Variants in AGBL3 observed in about 807,000 individuals in gnomAD.
The protein encoded by AGBL3 is AGBL carboxypeptidase 3, also known as cytosolic carboxypeptidase 3.
AGBL3 carries 68 observed loss-of-function variants against 94.5 expected under a neutral mutation model. The observed-to-expected ratio is 0.72, with a 90% CI of 0.59 to 0.88. The LOEUF is 0.88. AGBL3 is among the 40% of genes least tolerant of loss of function. The probability of loss-of-function intolerance (pLI) is 0.00; values close to 1 mark genes in which losing one functional copy is unlikely to be tolerated. For missense variants in AGBL3, 934 were observed against 1,103.8 expected (o/e 0.85, Z 2.18); for synonymous variants, 354 against 370.7 (o/e 0.95, Z 0.52).
At chr7:134,992,020 A>AT (rs929015742) in intron 3 of AGBL3, among the ~76,000 whole-genome samples, 1 of 152,158 alleles carries the variant, frequency 6.6e-6, no homozygotes, top group Admixed American at 6.5e-5. Flanking sequence ...ATGTTTTTGT[A>AT]TTTTATCTAG....
Position 135,044,151 on chromosome 7 carries a change from G to A in AGBL3, c.1627G>A (p.Gly543Ser), listed in dbSNP as rs1817129200. The change falls in exon 9 of 17, where the codon GGT becomes AGT. Residue 543 changes from glycine to serine, a missense_variant and splice_region_variant. Gly to Ser is a moderately conservative substitution (Grantham distance 56). This residue lies in a region of AGBL3 where 441 missense variants were observed against 518.2 expected (regional missense o/e 0.85). Coordinates refer to ENST00000436302, the MANE Select transcript of AGBL3 (RefSeq NM_178563.4). ...GGCCACCTTCTGTGGATCTACTCTG[G>A]GTAAGACCAAGGGTTCTCATTCACA... is the stretch of plus-strand genomic sequence containing the variant. ...MEATFCGSTL[G>S]NKRGTHFSTK... The A allele has an allele frequency of 6.5e-7, 1 of 1,547,588 alleles. No homozygotes were observed. The highest frequency in any genetic ancestry group is 8.7e-7 in the Non-Finnish European group (1 of 1,144,658).
At chr7:135,058,348 C>T (rs918863342) in intron 11 of AGBL3, among the ~76,000 whole-genome samples, 11 of 152,040 alleles carry the variant, frequency 7.2e-5, no homozygotes, top group Admixed American at 3.9e-4. Context: ...AGCAAAAAAA[C>T]GTGCCTACCA....
At chr7:135,095,074 C>T (rs1447357660) in intron 15 of AGBL3, among the ~76,000 whole-genome samples, 1 of 152,194 alleles carries the variant, frequency 6.6e-6, no homozygotes, top group Non-Finnish European at 1.5e-5. Context: ...AAGCCTGGAA[C>T]TCTGCTAAGT....
intron 15 of AGBL3, among the ~76,000 whole-genome samples, chr7:135,097,741 T>C (rs909602515): frequency 6.6e-6 from 1 of 152,066 alleles, no homozygotes; most frequent in Admixed American, 6.5e-5. Context: ...GAAGAAGATA[T>C]CCTCCTTAGA....
At chr7:135,062,897 C>T (rs1289867427) in intron 12 of AGBL3, among the ~76,000 whole-genome samples, 1 of 152,102 alleles carries the variant, frequency 6.6e-6, no homozygotes, top group Non-Finnish European at 1.5e-5. Context: ...GAAATATTCC[C>T]TCTTCTTCAA....
chr7:135,049,814 T>A (rs1261301141), intron 11 of AGBL3, among the ~76,000 whole-genome samples: 5 of 151,714 alleles, frequency 3.3e-5, no homozygotes, highest in Admixed American at 3.3e-4. Flanking sequence ...TCATAATTAG[T>A]TTAGCTAAGA....
chr7:134,994,436 T>A (rs921465926), intron 4 of AGBL3, among the ~76,000 whole-genome samples: 18 of 152,196 alleles, frequency 1.2e-4, no homozygotes, highest in African/African-American at 4.3e-4. Context: ...TTTTTGCTTT[T>A]CCAAGTAAAG....
At chr7:135,058,437 A>C (rs550648209) in intron 11 of AGBL3, among the ~76,000 whole-genome samples, 71 of 152,198 alleles carry the variant, frequency 4.7e-4, no homozygotes, top group African/African-American at 1.6e-3. Flanking sequence ...ATGGTGCTGC[A>C]TTGCTTTATG....
chr7:135,078,517 T>C (rs1243701665), intron 13 of AGBL3, among the ~76,000 whole-genome samples: 1 of 152,132 alleles, frequency 6.6e-6, no homozygotes, highest in Non-Finnish European at 1.5e-5. Flanking sequence ...TTTTTTTTAA[T>C]GTATATATTG....
chr7:135,070,765 T>C (rs528734672), intron 12 of AGBL3, among the ~76,000 whole-genome samples: 4 of 152,054 alleles, frequency 2.6e-5, no homozygotes, highest in African/African-American at 7.2e-5. Context: ...CCACAGCCAA[T>C]ATCATACTGA....
At chr7:134,988,324 T>G in intron 2 of AGBL3, 1 of 238,698 alleles carries the variant, frequency 4.2e-6, no homozygotes, top group African/African-American at 2.3e-5. Context: ...ATGTGCTGAT[T>G]GGATTGTGTT....
chr7:135,075,302 C>T (rs1209065961), intron 12 of AGBL3, among the ~76,000 whole-genome samples: 1 of 152,196 alleles, frequency 6.6e-6, no homozygotes, highest in African/African-American at 2.4e-5. Flanking sequence ...AATGTTTTTT[C>T]ACATCCCTGT....
chr7:135,078,738 A>C (rs1820676524), intron 13 of AGBL3, among the ~76,000 whole-genome samples: 1 of 152,152 alleles, frequency 6.6e-6, no homozygotes, highest in African/African-American at 2.4e-5. Context: ...TCATTTGGTC[A>C]AATGCTTTGA....
At chr7:135,095,572 G>A (rs1822541017) in intron 15 of AGBL3, among the ~76,000 whole-genome samples, 1 of 152,080 alleles carries the variant, frequency 6.6e-6, no homozygotes, top group African/African-American at 2.4e-5. Flanking sequence ...ACCAACAAAA[G>A]ATTTTAAAGC....
At chr7:135,127,696 G>A (rs890653580) in intron 16 of AGBL3, among the ~76,000 whole-genome samples, 2 of 152,176 alleles carry the variant, frequency 1.3e-5, no homozygotes, top group Non-Finnish European at 1.5e-5. Context: ...GTAGGCTGCA[G>A]AGAAATAAGA....
At chr7:135,098,897 A>T (rs1295860224) in intron 15 of AGBL3, among the ~76,000 whole-genome samples, 2 of 152,190 alleles carry the variant, frequency 1.3e-5, no homozygotes, top group African/African-American at 4.8e-5. Context: ...TATGACATAT[A>T]AAACTTAAAT....
At chr7:135,088,115 CTGATA>C (rs928864241) in intron 15 of AGBL3, among the ~76,000 whole-genome samples, 11 of 151,988 alleles carry the variant, frequency 7.2e-5, no homozygotes, top group African/African-American at 2.7e-4. Flanking sequence ...TCTGTTTTAT[CTGATA>C]TAAGTATAGA....
chr7:135,083,879 G>C (rs1433984574), intron 15 of AGBL3, among the ~76,000 whole-genome samples: 1 of 152,116 alleles, frequency 6.6e-6, no homozygotes, highest in African/African-American at 2.4e-5. Flanking sequence ...GTAGGTCTTT[G>C]ATGTCACCCC....
At chr7:135,014,197 GAAAAAAAAAAAAA>G (rs58580550) in intron 4 of AGBL3, among the ~76,000 whole-genome samples, 1 of 65,528 alleles carries the variant, frequency 1.5e-5, no homozygotes, top group Admixed American at 2.1e-4. Flanking sequence ...CTCTGTCTCT[GAAAAAAAAAAAAA>G]AAAAAAAAAA....
Sources: gnomAD v4.1 joint callset for allele counts (sites outside exome capture counted in the v4.1 genomes callset) on GRCh38, gnomAD v4.1.1 for gene constraint, gnomAD v4.1.1 regional missense constraint, MANE v1.5 for transcripts, NCBI Gene and HGNC (gene_info 2026-07-23, HGNC 2026-07-21) for gene names.